The following ARGFX variants were observed in gnomAD, a reference collection of about 807,000 sequenced individuals.
ARGFX encodes arginine-fifty homeobox.
ARGFX carries 10 observed loss-of-function variants against 8.0 expected under a neutral mutation model. That is an observed-to-expected ratio of 1.25 (90% confidence interval 0.77 to 2.12). The LOEUF is 2.12. Ranked by LOEUF, ARGFX falls within the 30% of genes most tolerant of loss-of-function variation. ARGFX has a pLI of 0.00. For synonymous variants in ARGFX, 116 were observed against 117.8 expected (o/e 0.98, Z 0.10); for missense variants, 282 against 324.3 (o/e 0.87, Z 1.00).
chr3:121,568,103 G>A (rs1371424284), intron 1 of ARGFX, among the ~76,000 whole-genome samples, 90 bp downstream of exon 1: 1 of 152,104 alleles, frequency 6.6e-6, no homozygotes, highest in Non-Finnish European at 1.5e-5. Context: ...AATATTAAAG[G>A]ATGCAAACCA....
chr3:121,572,230 A>ATTG (rs1267332345), intron 2 of ARGFX, among the ~76,000 whole-genome samples: 2 of 93,422 alleles, frequency 2.1e-5, no homozygotes, highest in Non-Finnish European at 2.1e-5. Context: ...TTTTATTATT[A>ATTG]TTGTTGTTTT....
At chr3:121,573,983 C>G (rs1318266967) in intron 2 of ARGFX, among the ~76,000 whole-genome samples, 1 of 151,958 alleles carries the variant, frequency 6.6e-6, no homozygotes. Flanking sequence ...AAACCATACC[C>G]GTTAGGATGA....
At chr3:121,573,898 T>A (rs964128531) in intron 2 of ARGFX, among the ~76,000 whole-genome samples, 1 of 146,398 alleles carries the variant, frequency 6.8e-6, no homozygotes, top group Non-Finnish European at 1.5e-5. Flanking sequence ...TAGATCTTTC[T>A]CCAAAGAAGA....
At chr3:121,569,642 A>G (rs1433700281) in intron 1 of ARGFX, among the ~76,000 whole-genome samples, 8 of 152,244 alleles carry the variant, frequency 5.3e-5, no homozygotes, top group Admixed American at 3.3e-4. Context: ...CTGAGATTAC[A>G]GGCGTGAGCC....
chr3:121,571,579 T>TTATTATTATTATTA (rs35055897), intron 2 of ARGFX, among the ~76,000 whole-genome samples: 2 of 148,720 alleles, frequency 1.3e-5, no homozygotes, highest in African/African-American at 5.0e-5. Flanking sequence ...TATTATTATT[T>TTATTATTATTATTA]TTTGAGACAG....
At chr3:121,584,204 G>GAGGAAGGAAGGAAGGAAGGA (rs749567796) in intron 3 of ARGFX, among the ~76,000 whole-genome samples, 95 of 104,310 alleles carry the variant, frequency 9.1e-4, no homozygotes, top group East Asian at 4.8e-3. Flanking sequence ...GACAGAGAGA[G>GAGGAAGGAAGGAAGGAAGGA]AGGAAGGAAG....
rs576132032 is a variant in ARGFX at position 121,587,394 on chromosome 3, C to T, written c.*794C>T. On this transcript the variant is annotated 3_prime_UTR_variant, in exon 5 of 5. Coordinates refer to ENST00000334384, the MANE Select transcript of ARGFX (RefSeq NM_001012659.2). ...TAGAGACGAGGTTTTGCCATGTTGC[C>T]CAGGCTGGTCTCCAACTCCTGGACT... 1.3e-5 allele frequency among the ~76,000 whole-genome samples: 2 copies of T among 152,092 alleles called. No individual in the cohort carries two copies. The highest frequency in any genetic ancestry group is 4.8e-5 in the African/African-American group (2 of 41,508).
At chr3:121,577,266 T>TTTC in intron 3 of ARGFX, among the ~76,000 whole-genome samples, 1 of 136,728 alleles carries the variant, frequency 7.3e-6, no homozygotes, top group Admixed American at 7.5e-5. Flanking sequence ...TATATTTTTT[T>TTTC]TTTTTTAAAT....
intron 3 of ARGFX, 54 bp from the exon 4 acceptor site, chr3:121,584,863 G>A: frequency 1.3e-6 from 2 of 1,564,872 alleles, no homozygotes; most frequent in South Asian, 1.2e-5. Flanking sequence ...TTTGGTTGGG[G>A]GGAGAGATTG....
At chr3:121,582,335 C>T (rs892269038) in intron 3 of ARGFX, among the ~76,000 whole-genome samples, 2 of 151,882 alleles carry the variant, frequency 1.3e-5, no homozygotes, top group Non-Finnish European at 2.9e-5. Flanking sequence ...AGAATTAGTG[C>T]CTGGTAAAAC....
At chr3:121,570,049 A>G (rs61796954) in intron 1 of ARGFX, among the ~76,000 whole-genome samples, 19,656 of 152,236 alleles carry the variant, frequency 0.13, 1,357 homozygotes, top group African/African-American at 0.14. Context: ...CAATCTTCAT[A>G]TATATTCCAA....
rs1491494549 is a variant in ARGFX, at chr3:121,577,260, T to TATATA, written c.220+360_220+361insATATA. Among the ~76,000 whole-genome samples the TATATA allele has an allele frequency of 4.0e-3, 124 of 30,834 alleles. No individual in the cohort carries two copies. The East Asian group carries it at 0.086, about 21-fold the overall frequency. 20.2% of individuals were successfully genotyped at this position (30,834 alleles called of 152,430 possible). A position where few individuals can be genotyped will look rare whatever the true frequency, so the allele number is the denominator to read the frequency against. ...ATATATATATATATATATATATATA[T>TATATA]TTTTTTTTTTTTAAATGGAGTCTCA... is the stretch of plus-strand genomic sequence containing the variant. On this transcript the variant is annotated intron_variant, in intron 3 of 4. Coordinates refer to ENST00000334384, the MANE Select transcript of ARGFX (RefSeq NM_001012659.2).
At chr3:121,574,653 G>A (rs549720158) in intron 2 of ARGFX, among the ~76,000 whole-genome samples, 1 of 152,208 alleles carries the variant, frequency 6.6e-6, no homozygotes, top group Non-Finnish European at 1.5e-5. Context: ...TACAGATAAA[G>A]CTTCGCTGAC....
rs1365333661 is a variant in ARGFX at position 121,589,185 on chromosome 3, A to G, written c.*2585A>G. 6.6e-6 allele frequency among the ~76,000 whole-genome samples: 1 copy of G among 152,202 alleles called. No homozygotes were observed. Among genetic ancestry groups the G allele is most frequent in the East Asian group, 1.9e-4 (1 of 5,196 alleles). On this transcript the variant is annotated 3_prime_UTR_variant, in exon 5 of 5. Transcript: ENST00000334384. ...GTGATACTGTCTCAATAAATAAATA[A>G]ATAGAAGAAATCATGAGTAAAATTG... is the stretch of plus-strand genomic sequence containing the variant.
intron 4 of ARGFX, among the ~76,000 whole-genome samples, chr3:121,585,730 A>G (rs1050948370): frequency 2.0e-5 from 3 of 151,988 alleles, no homozygotes; most frequent in Non-Finnish European, 4.4e-5. Context: ...CTCTCCCTAG[A>G]TCCTAGATCC....
intron 1 of ARGFX, among the ~76,000 whole-genome samples, 193 bp from the exon 2 acceptor site, chr3:121,570,509 A>G (rs1476137351): frequency 6.6e-6 from 1 of 152,208 alleles, no homozygotes; most frequent in Non-Finnish European, 1.5e-5. Flanking sequence ...CTAAAGTTTC[A>G]TTTTTGACAA....
intron 3 of ARGFX, 86 bp from the exon 4 acceptor site, chr3:121,584,831 T>G: frequency 2.8e-6 from 4 of 1,449,518 alleles, no homozygotes; most frequent in East Asian, 4.6e-5. Flanking sequence ...ACCATGGTGA[T>G]TTGTTTTTTG....
chr3:121,580,778 GTAT>G (rs2048774431), intron 3 of ARGFX, among the ~76,000 whole-genome samples: 1 of 150,654 alleles, frequency 6.6e-6, no homozygotes, highest in African/African-American at 2.4e-5. Context: ...CTAATTTTTT[GTAT>G]TTTTAGTAGA....
Position 121,585,022 on chromosome 3 carries a change from A to G in ARGFX, c.326A>G (p.Glu109Gly), listed in dbSNP as rs2048802807. 1.9e-6 allele frequency: 3 copies of G among 1,614,028 alleles called. No individual in the cohort carries two copies. In the East Asian group the frequency reaches 6.7e-5, roughly 36 times the overall value. ...ATGTTCCCAGATAGAAATCTTCAGG[A>G]GAAACTAGCTTTGAGACTCGACCTA... is the stretch of plus-strand genomic sequence containing the variant. The part of the protein sequence containing the change: ...QTMFPDRNLQ[E>G]KLALRLDLPE... The change falls in exon 4 of 5, where the codon GAG (glutamate) becomes GGG (glycine). Residue 109 changes from glutamate to glycine, a missense_variant. Glu to Gly is a moderately conservative substitution (Grantham distance 98, BLOSUM62 -2). Transcript: ENST00000334384.
Sources: gnomAD v4.1 joint callset for allele counts (sites outside exome capture counted in the v4.1 genomes callset) on GRCh38, gnomAD v4.1.1 for gene constraint, MANE v1.5 for transcripts, NCBI Gene and HGNC (gene_info 2026-07-23, HGNC 2026-07-21) for gene names.